Variants in ROBO2 observed in about 807,000 individuals in gnomAD.
ROBO2 encodes roundabout guidance receptor 2.
In ROBO2, 53 loss-of-function variants were observed where a neutral mutation model predicts 160.8. That is an observed-to-expected ratio of 0.33 (90% CI 0.26 to 0.41). The LOEUF is 0.41. ROBO2 is among the 10% of genes least tolerant of loss of function. The pLI is 1.00. For synonymous variants in ROBO2, 664 were observed against 611.7 expected, an observed-to-expected ratio of 1.09 and a Z score of -1.26; for missense variants, 1,577 against 1,722.4, an observed-to-expected ratio of 0.92 and a Z score of 1.49.
chr3:76,785,634 T>G (rs1260573380), intron 2 of ROBO2, among the ~76,000 whole-genome samples: 1 of 151,220 alleles, frequency 6.6e-6, no homozygotes, highest in African/African-American at 2.4e-5. Context: ...TTAAACAACT[T>G]AGACCGAGAC....
chr3:77,175,647 T>TA (rs1386955682), intron 2 of ROBO2, among the ~76,000 whole-genome samples: 1 of 151,962 alleles, frequency 6.6e-6, no homozygotes, highest in African/African-American at 2.4e-5. Flanking sequence ...GGAAAGGAGA[T>TA]ACATTTGTGA....
At chr3:77,563,865 G>A (rs1457665313) in intron 11 of ROBO2, among the ~76,000 whole-genome samples, 1 of 152,030 alleles carries the variant, frequency 6.6e-6, no homozygotes, top group Non-Finnish European at 1.5e-5. Flanking sequence ...GTTGCTTAAT[G>A]GAAAAGATGT....
At chr3:76,938,971 C>CAAAAAAAAAAAAAAAAAAAAAAA (rs71629626) in intron 2 of ROBO2, among the ~76,000 whole-genome samples, 13 of 114,574 alleles carry the variant, frequency 1.1e-4, no homozygotes, top group African/African-American at 3.8e-4. Context: ...AACTCAGTCT[C>CAAAAAAAAAAAAAAAAAAAAAAA]AAAAAAAAAA....
At chr3:76,449,878 A>G (rs2077388978) in intron 2 of ROBO2, among the ~76,000 whole-genome samples, 1 of 152,168 alleles carries the variant, frequency 6.6e-6, no homozygotes. Context: ...CATAGTAAAT[A>G]TTCCACCTGC....
chr3:76,849,212 G>C (rs1380828830), intron 2 of ROBO2, among the ~76,000 whole-genome samples: 1 of 152,154 alleles, frequency 6.6e-6, no homozygotes, highest in Non-Finnish European at 1.5e-5. Context: ...TTGGAAATCT[G>C]TTGTATAGTC....
chr3:76,543,945 C>T (rs1337553639), intron 2 of ROBO2, among the ~76,000 whole-genome samples: 3 of 152,002 alleles, frequency 2.0e-5, no homozygotes, highest in Admixed American at 2.0e-4. Context: ...GAAAAATATG[C>T]TAGAATAATC....
intron 2 of ROBO2, among the ~76,000 whole-genome samples, chr3:76,916,738 C>G (rs2076340378): frequency 6.6e-6 from 1 of 151,992 alleles, no homozygotes; most frequent in African/African-American, 2.4e-5. Flanking sequence ...AACACCATAA[C>G]ATTTCCTTCT....
intron 2 of ROBO2, among the ~76,000 whole-genome samples, chr3:77,459,580 G>A (rs2082024511): frequency 6.6e-6 from 1 of 152,158 alleles, no homozygotes; most frequent in African/African-American, 2.4e-5. Flanking sequence ...CTTTTACACA[G>A]TAATATGTGA....
At chr3:77,598,977 G>A (rs551469802) in intron 19 of ROBO2, among the ~76,000 whole-genome samples, 5 of 152,212 alleles carry the variant, frequency 3.3e-5, no homozygotes, top group African/African-American at 1.2e-4. Flanking sequence ...AGTTTCCACA[G>A]GCTACCTTAA....
intron 2 of ROBO2, among the ~76,000 whole-genome samples, chr3:76,449,757 A>G (rs1235114769): frequency 6.6e-6 from 1 of 152,180 alleles, no homozygotes; most frequent in African/African-American, 2.4e-5. Context: ...GGGCATTTAC[A>G]TTGAAGAGAG....
chr3:77,438,421 A>G (rs2079548016), intron 2 of ROBO2, among the ~76,000 whole-genome samples: 1 of 151,756 alleles, frequency 6.6e-6, no homozygotes, highest in Admixed American at 6.6e-5. Flanking sequence ...TTATATATAT[A>G]TGGAAAGAGA....
intron 1 of ROBO2, among the ~76,000 whole-genome samples, chr3:77,057,535 T>C (rs1179902186): frequency 6.6e-6 from 1 of 151,426 alleles, no homozygotes. Flanking sequence ...AGTTAATTAC[T>C]AATGTGGAAG....
intron 2 of ROBO2, among the ~76,000 whole-genome samples, chr3:77,308,226 A>G (rs2153419905): frequency 6.6e-6 from 1 of 152,176 alleles, no homozygotes; most frequent in East Asian, 1.9e-4. Context: ...CATGTGAGAG[A>G]TAACAAGTCT....
intron 2 of ROBO2, among the ~76,000 whole-genome samples, chr3:76,738,934 A>G (rs2093757806): frequency 6.6e-6 from 1 of 152,148 alleles, no homozygotes. Context: ...TAGGGAGAAT[A>G]AATGAACTAA....
intron 2 of ROBO2, among the ~76,000 whole-genome samples, chr3:76,444,810 T>C (rs919935842): frequency 6.6e-6 from 1 of 152,224 alleles, no homozygotes; most frequent in Non-Finnish European, 1.5e-5. Flanking sequence ...AATAATCCTA[T>C]AGTTGTTTTT....
At chr3:77,536,907 T>G (rs2092143715) in intron 6 of ROBO2, among the ~76,000 whole-genome samples, 1 of 152,162 alleles carries the variant, frequency 6.6e-6, no homozygotes. Flanking sequence ...TGCCTGCTTA[T>G]GAGATCTAAA....
At chr3:77,386,902 C>G (rs1385389824) in intron 2 of ROBO2, among the ~76,000 whole-genome samples, 1 of 151,450 alleles carries the variant, frequency 6.6e-6, no homozygotes, top group Non-Finnish European at 1.5e-5. Flanking sequence ...TGCGCCCAGC[C>G]GATAATTTTT....
intron 2 of ROBO2, among the ~76,000 whole-genome samples, chr3:77,434,443 G>T (rs1244179886): frequency 2.0e-5 from 3 of 152,100 alleles, no homozygotes; most frequent in Non-Finnish European, 2.9e-5. Context: ...TTCTGTTTAG[G>T]ACTGTGTTTC....
At chr3:76,102,356 G>A (rs1224276410) in intron 2 of ROBO2, among the ~76,000 whole-genome samples, 1 of 152,186 alleles carries the variant, frequency 6.6e-6, no homozygotes, top group African/African-American at 2.4e-5. Context: ...ACTAGAACAT[G>A]TAAAATTTCG....
Sources: gnomAD v4.1 joint callset for allele counts (sites outside exome capture counted in the v4.1 genomes callset) on GRCh38, gnomAD v4.1.1 for gene constraint, MANE v1.5 for transcripts, NCBI Gene and HGNC (gene_info 2026-07-23, HGNC 2026-07-21) for gene names.